The following ZEB1 variants were observed in gnomAD, a reference collection of about 807,000 sequenced individuals.
ZEB1 encodes the protein zinc finger E-box-binding homeobox 1.
Under a neutral mutation model 84.9 loss-of-function variants are expected in ZEB1, and 21 were observed. The ratio of observed to expected loss-of-function variants is 0.25; its 90% CI spans 0.18 to 0.36. ZEB1 has a LOEUF of 0.36. Among genes scored for constraint, ZEB1 ranks in the 10% least tolerant of loss-of-function variants. The pLI, the probability that ZEB1 is intolerant of heterozygous loss-of-function variation, is 1.00. For synonymous variants in ZEB1, 420 were observed against 471.1 expected (o/e 0.89, Z 1.41); for missense variants, 1,104 against 1,330.2 (o/e 0.83, Z 2.65).
intron 1 of ZEB1, among the ~76,000 whole-genome samples, chr10:31,447,316 G>A (rs7911716): frequency 0.015 from 2,017 of 138,578 alleles, 50 homozygotes; most frequent in African/African-American, 0.051. Flanking sequence ...GTCTCTGCAC[G>A]TGAGATGGGT....
At chr10:31,449,291 C>T (rs1036066025) in intron 1 of ZEB1, among the ~76,000 whole-genome samples, 4 of 152,232 alleles carry the variant, frequency 2.6e-5, no homozygotes, top group Admixed American at 2.6e-4. Context: ...TGCGCGCACC[C>T]ACTGGCCTGC....
chr10:31,378,987 T>A (rs1337921250), intron 1 of ZEB1, among the ~76,000 whole-genome samples: 1 of 152,082 alleles, frequency 6.6e-6, no homozygotes, highest in Non-Finnish European at 1.5e-5. Context: ...TTTCTGTTGA[T>A]ACATATACCT....
chr10:31,340,302 A>G (rs1019705434), intron 1 of ZEB1, among the ~76,000 whole-genome samples: 1 of 152,178 alleles, frequency 6.6e-6, no homozygotes, highest in Non-Finnish European at 1.5e-5. Context: ...CAAAACACCT[A>G]GGGATACATT....
At chr10:31,425,634 C>G (rs920029347) in intron 1 of ZEB1, among the ~76,000 whole-genome samples, 3 of 152,098 alleles carry the variant, frequency 2.0e-5, no homozygotes, top group African/African-American at 4.8e-5. Flanking sequence ...CCCATTTACT[C>G]AGTTGTGATT....
chr10:31,498,561 A>G (rs2067622742), intron 3 of ZEB1, among the ~76,000 whole-genome samples: 1 of 152,004 alleles, frequency 6.6e-6, no homozygotes, highest in African/African-American at 2.4e-5. Flanking sequence ...TCTTACAACA[A>G]CCCTAAGAGG....
At chr10:31,453,940 G>A (rs1281081772) in intron 1 of ZEB1, among the ~76,000 whole-genome samples, 2 of 152,088 alleles carry the variant, frequency 1.3e-5, no homozygotes, top group Non-Finnish European at 2.9e-5. Context: ...ACCAAAACCT[G>A]GCAGAGACAC....
At chr10:31,366,295 ACTGC>A in intron 1 of ZEB1, among the ~76,000 whole-genome samples, 1 of 152,164 alleles carries the variant, frequency 6.6e-6, no homozygotes. Flanking sequence ...ATTTGTCCTC[ACTGC>A]CAATTAATTA....
At chr10:31,447,120 T>C (rs2059893759) in intron 1 of ZEB1, among the ~76,000 whole-genome samples, 1 of 151,032 alleles carries the variant, frequency 6.6e-6, no homozygotes, top group South Asian at 2.1e-4. Context: ...CATATATATT[T>C]AGGATAGTTA....
intron 1 of ZEB1, among the ~76,000 whole-genome samples, chr10:31,334,166 G>T (rs1231319029): frequency 6.6e-6 from 1 of 151,932 alleles, no homozygotes; most frequent in Non-Finnish European, 1.5e-5. Context: ...TTAATAACAG[G>T]ACTTACAAGC....
intron 3 of ZEB1, among the ~76,000 whole-genome samples, chr10:31,498,581 A>G (rs2067629219): frequency 6.6e-6 from 1 of 152,072 alleles, no homozygotes; most frequent in South Asian, 2.1e-4. Flanking sequence ...GTACTGTTAT[A>G]TAAATTTTAT....
intron 3 of ZEB1, among the ~76,000 whole-genome samples, chr10:31,501,634 A>G (rs1199816430): frequency 6.6e-6 from 1 of 151,998 alleles, no homozygotes; most frequent in Non-Finnish European, 1.5e-5. Flanking sequence ...CCCCCCCATT[A>G]TCTGTGGGAG....
intron 2 of ZEB1, among the ~76,000 whole-genome samples, chr10:31,463,703 A>T (rs2062058937): frequency 1.3e-5 from 2 of 152,220 alleles, no homozygotes; most frequent in South Asian, 4.1e-4. Flanking sequence ...TCTCGCACTG[A>T]TTTGAAGTCC....
chr10:31,394,109 A>G (rs1330321967), intron 1 of ZEB1, among the ~76,000 whole-genome samples: 1 of 152,180 alleles, frequency 6.6e-6, no homozygotes, highest in Admixed American at 6.5e-5. Flanking sequence ...CAAAACTACA[A>G]TCTATTTCAG....
intron 1 of ZEB1, among the ~76,000 whole-genome samples, chr10:31,408,115 G>T (rs948342503): frequency 1.4e-4 from 21 of 151,936 alleles, no homozygotes; most frequent in Non-Finnish European, 2.8e-4. Context: ...CAAACAGAGA[G>T]CCAAATCATG....
chr10:31,359,598 A>G (rs549399096), intron 1 of ZEB1, among the ~76,000 whole-genome samples: 1 of 152,242 alleles, frequency 6.6e-6, no homozygotes, highest in East Asian at 1.9e-4. Flanking sequence ...TATGTTTGTA[A>G]TGCTTTTAAT....
At chr10:31,447,279 C>A (rs1331448785) in intron 1 of ZEB1, among the ~76,000 whole-genome samples, 1 of 149,062 alleles carries the variant, frequency 6.7e-6, no homozygotes, top group Non-Finnish European at 1.5e-5. Context: ...AGATCTTCCT[C>A]CATCCTTTTA....
intron 1 of ZEB1, among the ~76,000 whole-genome samples, chr10:31,424,165 T>G (rs915442015): frequency 1.3e-5 from 2 of 152,030 alleles, no homozygotes; most frequent in Non-Finnish European, 2.9e-5. Context: ...GTAAATTCAC[T>G]TTGAAGAAAT....
intron 2 of ZEB1, among the ~76,000 whole-genome samples, chr10:31,483,704 C>A (rs1043180231): frequency 1.3e-5 from 2 of 151,972 alleles, no homozygotes. Context: ...GCAATCTTAT[C>A]TGTAGCTAGC....
At chr10:31,361,171 G>A in intron 1 of ZEB1, 2 of 1,611,920 alleles carry the variant, frequency 1.2e-6, no homozygotes, top group Non-Finnish European at 1.7e-6. Context: ...TGTTCCTCCT[G>A]TCCCAAAAGA....
Sources: gnomAD v4.1 joint callset for allele counts (sites outside exome capture counted in the v4.1 genomes callset) on GRCh38, gnomAD v4.1.1 for gene constraint, MANE v1.5 for transcripts, NCBI Gene and HGNC (gene_info 2026-07-23, HGNC 2026-07-21) for gene names.